Variants in MAN1A2 observed in about 807,000 individuals in gnomAD.
MAN1A2 encodes mannosyl-oligosaccharide 1,2-alpha-mannosidase IB.
Under a neutral mutation model 75.7 loss-of-function variants are expected in MAN1A2, and 26 were observed. The ratio of observed to expected loss-of-function variants is 0.34; its 90% CI spans 0.25 to 0.48. MAN1A2 has a LOEUF of 0.48. MAN1A2 is among the 20% of genes least tolerant of loss of function. The pLI is 0.99. For synonymous variants in MAN1A2, 247 were observed against 264.6 expected (o/e 0.93, Z 0.65); for missense variants, 562 against 775.5 (o/e 0.72, Z 3.27).
At chr1:117,510,540 G>A (rs1446438385) in intron 12 of MAN1A2, among the ~76,000 whole-genome samples, 1 of 151,992 alleles carries the variant, frequency 6.6e-6, no homozygotes, top group African/African-American at 2.4e-5. Flanking sequence ...GGAAGTAAAT[G>A]GAATGACAGT....
intron 3 of MAN1A2, among the ~76,000 whole-genome samples, chr1:117,413,295 A>G (rs1647882470): frequency 6.6e-6 from 1 of 151,956 alleles, no homozygotes; most frequent in Admixed American, 6.6e-5. Context: ...AATTATTAGG[A>G]ACACATGAAC....
chr1:117,499,618 C>T (rs970464568), intron 11 of MAN1A2, 64 bp downstream of exon 11: 6 of 1,306,542 alleles, frequency 4.6e-6, no homozygotes, highest in Admixed American at 2.4e-5. Flanking sequence ...TATGATGCCA[C>T]ATACCCTCAC....
chr1:117,387,409 T>C (rs1653571266), intron 1 of MAN1A2, among the ~76,000 whole-genome samples: 1 of 152,168 alleles, frequency 6.6e-6, no homozygotes, highest in Non-Finnish European at 1.5e-5. Context: ...TTGGGACTGA[T>C]AGTGATTGTT....
chr1:117,443,985 C>A (rs1427064329), intron 6 of MAN1A2, among the ~76,000 whole-genome samples: 1 of 151,824 alleles, frequency 6.6e-6, no homozygotes, highest in African/African-American at 2.4e-5. Context: ...GTCTTGATGA[C>A]TGAAAGCCAA....
chr1:117,446,794 T>C (rs1255664701), intron 6 of MAN1A2, among the ~76,000 whole-genome samples: 1 of 152,034 alleles, frequency 6.6e-6, no homozygotes, highest in Non-Finnish European at 1.5e-5. Context: ...AGGTGGTTAA[T>C]GGTGTTTAGA....
At chr1:117,424,371 C>T (rs953499116) in intron 5 of MAN1A2, among the ~76,000 whole-genome samples, 2 of 152,170 alleles carry the variant, frequency 1.3e-5, no homozygotes, top group South Asian at 2.1e-4. Flanking sequence ...TTCTCTTCCA[C>T]GATCATGGCA....
At chr1:117,392,519 G>A (rs868199585) in intron 1 of MAN1A2, among the ~76,000 whole-genome samples, 1 of 151,708 alleles carries the variant, frequency 6.6e-6, no homozygotes. Flanking sequence ...TGCTTACTTT[G>A]TTTATGTATT....
At chr1:117,463,761 A>G (rs1649899043) in intron 7 of MAN1A2, among the ~76,000 whole-genome samples, 1 of 152,174 alleles carries the variant, frequency 6.6e-6, no homozygotes, top group African/African-American at 2.4e-5. Context: ...TAGAAATTAA[A>G]TTTAACAGAG....
chr1:117,437,966 G>T lies in MAN1A2; in HGVS notation c.856-4265G>T, dbSNP rs1648898450. Among the ~76,000 whole-genome samples the T allele has an allele frequency of 2.0e-5, 3 of 152,170 alleles. No homozygotes were observed. In the East Asian group the frequency reaches 5.8e-4, roughly 29 times the overall value. The stretch of plus-strand genomic sequence containing the variant: ...TGCTATATGCTAGGCACTCTTCTAA[G>T]CATTGAAAACAAATTTAAAACAAAT... On this transcript the variant is annotated intron_variant, in intron 5 of 12. Transcript: ENST00000356554.
intron 12 of MAN1A2, among the ~76,000 whole-genome samples, chr1:117,504,190 C>T (rs893649671): frequency 6.6e-6 from 1 of 151,422 alleles, no homozygotes; most frequent in African/African-American, 2.4e-5. Flanking sequence ...AATAAAGTGA[C>T]GGGAACTTTA....
At chr1:117,489,575 C>T (rs989152607) in intron 8 of MAN1A2, among the ~76,000 whole-genome samples, 7 of 151,956 alleles carry the variant, frequency 4.6e-5, no homozygotes, top group African/African-American at 1.2e-4. Context: ...GTATGTTGCA[C>T]ATTTCTTCTC....
At chr1:117,398,556 C>T (rs1647293585) in intron 1 of MAN1A2, among the ~76,000 whole-genome samples, 1 of 151,948 alleles carries the variant, frequency 6.6e-6, no homozygotes, top group African/African-American at 2.4e-5. Flanking sequence ...TGCCTGTAGT[C>T]CCAGCTTGTT....
rs1482821662 is a variant in MAN1A2 at position 117,402,412 on chromosome 1, A to G, written c.529A>G (p.Ile177Val). ...TGGTGGAGACCCAGAAGATAATGAC[A>G]TAAGAGAGAAAAGGGAAAAAATTAA... The part of the protein sequence containing the change: ...IRGGDPEDND[I>V]REKREKIKEM... The change falls in exon 2 of 13, where the codon ATA becomes GTA. Residue 177 changes from isoleucine (I) to valine (V), a missense_variant. Transcript: ENST00000356554. 8 of 1,600,434 alleles carry G rather than the reference A, an allele frequency of 5.0e-6. No homozygotes were observed. The highest frequency in any genetic ancestry group is 1.8e-5 in the Admixed American group (1 of 56,386).
At chr1:117,430,305 G>T (rs1350581783) in intron 5 of MAN1A2, among the ~76,000 whole-genome samples, 5 of 133,906 alleles carry the variant, frequency 3.7e-5, no homozygotes, top group Admixed American at 7.0e-5. Context: ...TCGGGCGGGG[G>T]GCTGACCCCC....
At chr1:117,410,623 GAA>G (rs544835333) in intron 3 of MAN1A2, among the ~76,000 whole-genome samples, 12 of 121,300 alleles carry the variant, frequency 9.9e-5, no homozygotes, top group African/African-American at 3.4e-4. Flanking sequence ...AAAAGAAAAA[GAA>G]AAAAAAAAAA....
intron 3 of MAN1A2, among the ~76,000 whole-genome samples, chr1:117,406,558 G>T (rs879628028): frequency 3.9e-5 from 6 of 152,022 alleles, no homozygotes; most frequent in Non-Finnish European, 8.8e-5. Flanking sequence ...GATCAAAAAA[G>T]AAAATGTCTT....
At chr1:117,407,233 TTA>T (rs1015998848) in intron 3 of MAN1A2, among the ~76,000 whole-genome samples, 2 of 152,170 alleles carry the variant, frequency 1.3e-5, no homozygotes, top group Admixed American at 6.5e-5. Context: ...AGATCCATTA[TTA>T]TGTTTTGTCT....
chr1:117,501,322 G>A (rs537970069), intron 11 of MAN1A2, among the ~76,000 whole-genome samples: 1 of 151,932 alleles, frequency 6.6e-6, no homozygotes, highest in East Asian at 1.9e-4. Context: ...GAAGTGATGA[G>A]AAGAGGGAGG....
At position 117,414,800 on chromosome 1, in the gene MAN1A2, G is replaced by C. The variant is rs1647936796; in HGVS notation, c.743G>C (p.Arg248Thr). 1.2e-6 allele frequency: 2 copies of C among 1,608,254 alleles called. No homozygotes were observed. Among genetic ancestry groups the C allele is most frequent in the East Asian group, 4.5e-5 (2 of 44,730 alleles). Residue 248 changes from arginine to threonine, a missense_variant, in exon 4 of 13, where the codon AGA becomes ACA. This residue lies in a region of MAN1A2 where 434 missense variants were observed against 645.7 expected (regional missense o/e 0.67). Coordinates refer to ENST00000356554, the MANE Select transcript of MAN1A2 (RefSeq NM_006699.5). ...CATGATGAATTCCTAGATGGGCAAA[G>C]ATGGATTGAAGACAACCTTGATTTC... Reference protein sequence around the residue: ...GLHDEFLDGQRWIEDNLDFSV... With the variant: ...GLHDEFLDGQTWIEDNLDFSV...
Sources: gnomAD v4.1 joint callset for allele counts (sites outside exome capture counted in the v4.1 genomes callset) on GRCh38, gnomAD v4.1.1 for gene constraint, gnomAD v4.1.1 regional missense constraint, MANE v1.5 for transcripts, NCBI Gene and HGNC (gene_info 2026-07-23, HGNC 2026-07-21) for gene names.